ERCC1: variants seen among roughly 807,000 people sequenced by gnomAD.
The protein encoded by ERCC1 is DNA excision repair protein ERCC-1.
A neutral mutation model predicts 37.6 loss-of-function variants in ERCC1; 36 were observed. That is an observed-to-expected ratio of 0.96 (90% CI 0.73 to 1.26). The LOEUF (loss-of-function observed/expected upper bound fraction) is 1.26, where lower values mean the gene tolerates loss of function less well. Among genes scored for constraint, ERCC1 ranks in the 50% most tolerant of loss-of-function variants. ERCC1 has a pLI of 0.00. For missense variants in ERCC1, 349 were observed against 376.5 expected, an observed-to-expected ratio of 0.93 and a Z score of 0.60; for synonymous variants, 156 against 162.1, an observed-to-expected ratio of 0.96 and a Z score of 0.28.
At chr19:45,450,824 G>T (rs1190170934) in intron 1 of ERCC1, 1 of 144,074 alleles carries the variant, frequency 6.9e-6, no homozygotes, top group Non-Finnish European at 1.5e-5. Flanking sequence ...GCGTTGCCCG[G>T]CAGCGCCGCG....
rs775531410 is a variant in ERCC1, at chr19:45,413,944, C to T, written c.774+19G>A. 2 of 1,610,946 alleles carry T rather than the reference C, an allele frequency of 1.2e-6. No individual in the cohort carries two copies. Among genetic ancestry groups the T allele is most frequent in the Non-Finnish European group, 1.7e-6 (2 of 1,177,594 alleles). On this transcript the variant is annotated intron_variant, in intron 8 of 9. Transcript: ENST00000300853. ...CAAGGGGACAGAAATGCCTATGGGGCAGGGGAGCCATTCCTTACTCCAAAT... is the reference window on the plus strand; with the variant it reads ...CAAGGGGACAGAAATGCCTATGGGGTAGGGGAGCCATTCCTTACTCCAAAT...
Position 45,420,859 on chromosome 19 carries a change from G to C in ERCC1, c.321+319C>G, listed in dbSNP as rs1974374861. ...ACTGGTCTCGAACTCCTGACCTCAG[G>C]TGATCCACCTGCCTCAGCCTCTCCA... On this transcript the variant is annotated intron_variant, in intron 3 of 9. Coordinates refer to ENST00000300853, the MANE Select transcript of ERCC1 (RefSeq NM_001983.4). This position sits in a 1 kb window ranked among gnomAD's most constrained non-coding sequence, Gnocchi z 4.8. Among the ~76,000 whole-genome samples, 2 of 152,052 alleles carry C rather than the reference G, an allele frequency of 1.3e-5. No individual in the cohort carries two copies. The highest frequency in any genetic ancestry group is 2.9e-5 in the Non-Finnish European group (2 of 68,008).
intron 1 of ERCC1, among the ~76,000 whole-genome samples, chr19:45,439,203 A>C (rs1038559456): frequency 2.6e-5 from 4 of 151,960 alleles, no homozygotes; most frequent in African/African-American, 7.2e-5. Context: ...AAAAACAAAC[A>C]AACAAAAAAA....
At chr19:45,450,461 T>TG (rs1221296522) in intron 1 of ERCC1, among the ~76,000 whole-genome samples, 1 of 152,126 alleles carries the variant, frequency 6.6e-6, no homozygotes, top group Non-Finnish European at 1.5e-5. Context: ...AAAATGCTCC[T>TG]GCTCCTTTAA....
In ERCC1 at chr19:45,407,546, G is replaced by A. The variant is rs1461991103; in HGVS notation, c.*2129C>T. 2 of 335,884 alleles carry A rather than the reference G, an allele frequency of 6.0e-6. No individual in the cohort carries two copies. The highest frequency in any genetic ancestry group is 1.1e-4 in the East Asian group (2 of 18,666). The allele number at this position is 335,884 out of a possible 1,614,324, so 20.8% of individuals were successfully genotyped here. ...ACCATTAATCCTGCAACCTAAGCTTGCTCATTTATGTTATATTTAAGTAAT... is the reference window on the plus strand; with the variant it reads ...ACCATTAATCCTGCAACCTAAGCTTACTCATTTATGTTATATTTAAGTAAT... On this transcript the variant is annotated 3_prime_UTR_variant, in exon 10 of 10. Transcript: ENST00000300853.
In ERCC1 at chr19:45,420,376, C is replaced by CAGG; in HGVS notation, c.372_373insCCT (p.Gly124_Asp125insPro). ...CCCAGCACATAGTCGGGAATTACGT[C>CAGG]GCCAAATTCCCAGGGCACATTGCGC... On this transcript the variant is annotated inframe_insertion, in exon 4 of 10. Transcript: ENST00000300853. This position sits in a 1 kb window ranked among gnomAD's most constrained non-coding sequence, Gnocchi z 4.8. 1 of 1,613,916 alleles carries CAGG rather than the reference C, an allele frequency of 6.2e-7. No individual in the cohort carries two copies. The highest frequency in any genetic ancestry group is 8.5e-7 in the Non-Finnish European group (1 of 1,179,906).
chr19:45,410,590 TG>T (rs1203962178), intron 9 of ERCC1: 2 of 151,776 alleles, frequency 1.3e-5, no homozygotes, highest in Non-Finnish European at 2.9e-5. Flanking sequence ...TGTGTGTGTG[TG>T]TGTGTGGTAC....
chr19:45,424,978 A>G (rs1177091990), upstream of ERCC1, among the ~76,000 whole-genome samples: 4 of 143,140 alleles, frequency 2.8e-5, no homozygotes, highest in Non-Finnish European at 4.5e-5. Flanking sequence ...GCTGGAGTGC[A>G]ATGGCGCGAT....
At chr19:45,413,156 A>G (rs969221319) in intron 9 of ERCC1, among the ~76,000 whole-genome samples, 18 of 152,294 alleles carry the variant, frequency 1.2e-4, no homozygotes, top group Non-Finnish European at 2.5e-4. Flanking sequence ...GAGCTTCTCA[A>G]TGTTTTCTTG....
At chr19:45,423,530 A>G (rs1974571827) in intron 1 of ERCC1, 149 bp from the exon 2 acceptor site, 1 of 1,456,012 alleles carries the variant, frequency 6.9e-7, no homozygotes, top group Admixed American at 2.4e-5. Flanking sequence ...AGGCTCTGTA[A>G]CGCCACGCCC....
chr19:45,428,934 C>G (rs891173375), intron 1 of ERCC1: 2 of 152,190 alleles, frequency 1.3e-5, no homozygotes, highest in South Asian at 4.1e-4. Context: ...GCGGAGCGGC[C>G]GGGATGACGC....
chr19:45,408,934 C>A lies in ERCC1; in HGVS notation c.*741G>T. The A allele has an allele frequency of 2.5e-6, 4 of 1,614,028 alleles. No homozygotes were observed. The highest frequency in any genetic ancestry group is 3.4e-6 in the Non-Finnish European group (4 of 1,180,002). ...AGGTGGAGCCACTGGAGGAAGCCATCCCTCTGCCCCCTACGAAGAAGAGGA... is the reference window on the plus strand; with the variant it reads ...AGGTGGAGCCACTGGAGGAAGCCATACCTCTGCCCCCTACGAAGAAGAGGA... On this transcript the variant is annotated 3_prime_UTR_variant, in exon 10 of 10. Coordinates refer to ENST00000300853, the MANE Select transcript of ERCC1 (RefSeq NM_001983.4).
In ERCC1 at chr19:45,423,550, C is replaced by T. The variant is rs1221723037; in HGVS notation, c.-7-169G>A. 8 of 1,437,774 alleles carry T rather than the reference C, an allele frequency of 5.6e-6. No individual in the cohort carries two copies. In the Admixed American group the frequency reaches 2.1e-4, roughly 38 times the overall value. 89.1% of individuals were successfully genotyped at this position (1,437,774 alleles called of 1,614,324 possible). On this transcript the variant is annotated intron_variant, in intron 1 of 9. Coordinates refer to ENST00000300853, the MANE Select transcript of ERCC1 (RefSeq NM_001983.4). ...CTGTAACGCCACGCCCCTTTGACCT[C>T]CACCTTCGGCTCGCCCCGCCCCTTA...
chr19:45,423,785 G>A lies in ERCC1; in HGVS notation c.-12C>T. ...CGCAGTCTCCGCCTCCCGCACCTGTGGTCCGGGCCTCACGGTTTCAGCGCC... is the reference window on the plus strand; with the variant it reads ...CGCAGTCTCCGCCTCCCGCACCTGTAGTCCGGGCCTCACGGTTTCAGCGCC... On this transcript the variant is annotated 5_prime_UTR_variant, in exon 1 of 10. Coordinates refer to ENST00000300853, the MANE Select transcript of ERCC1 (RefSeq NM_001983.4). 3 of 1,132,592 alleles carry A rather than the reference G, an allele frequency of 2.6e-6. No individual in the cohort carries two copies. The highest frequency in any genetic ancestry group is 4.4e-5 in the East Asian group (1 of 22,972). The allele number at this position is 1,132,592 out of a possible 1,614,324, so 70.2% of individuals were successfully genotyped here.
At chr19:45,448,304 G>C (rs966393830) in intron 1 of ERCC1, among the ~76,000 whole-genome samples, 4 of 152,184 alleles carry the variant, frequency 2.6e-5, no homozygotes, top group Non-Finnish European at 4.4e-5. Context: ...AGACAGAGAA[G>C]AGTCAAGGCC....
intron 1 of ERCC1, among the ~76,000 whole-genome samples, chr19:45,447,807 G>A (rs956669193): frequency 1.3e-5 from 2 of 152,040 alleles, no homozygotes; most frequent in Non-Finnish European, 2.9e-5. Context: ...GGCAATTCTG[G>A]CTGGTTGCTC....
rs544748650 is a variant in ERCC1, at chr19:45,407,439, T to C, written c.*2236A>G. ...AGCCCTTTGTTAGTATTTCTACTTA[T>C]AAGAAACTATAAGGAACTATAGTTA... On this transcript the variant is annotated 3_prime_UTR_variant, in exon 10 of 10. Coordinates refer to ENST00000300853, the MANE Select transcript of ERCC1 (RefSeq NM_001983.4). 1.8e-6 allele frequency: 1 copy of C among 548,858 alleles called. No homozygotes were observed. Among genetic ancestry groups the C allele is most frequent in the Non-Finnish European group, 3.1e-6 (1 of 318,536 alleles). 34.0% of individuals were successfully genotyped at this position (548,858 alleles called of 1,614,324 possible).
rs761067606 is a variant in ERCC1 at position 45,409,408 on chromosome 19, G to A, written c.*267C>T. The A allele has an allele frequency of 3.1e-6, 5 of 1,613,876 alleles. No homozygotes were observed. The highest frequency in any genetic ancestry group is 4.2e-6 in the Non-Finnish European group (5 of 1,180,000). The stretch of plus-strand genomic sequence containing the variant: ...TGCCAGAGACAGTGCCCCAAGAGGA[G>A]ATGCCAGGGCCGCCACTGAATTCAG... On this transcript the variant is annotated 3_prime_UTR_variant, in exon 10 of 10. Coordinates refer to ENST00000300853, the MANE Select transcript of ERCC1 (RefSeq NM_001983.4).
Position 45,417,536 on chromosome 19 carries a change from T to TTC in ERCC1, c.526-641_526-640dup, listed in dbSNP as rs577342077. On this transcript the variant is annotated intron_variant, in intron 5 of 9. Transcript: ENST00000300853. ...GGAAAGAGGGCTTGAGGAATTATAA[T>TTC]TCGCTCCCTACGGGAGAGAGGATGT... Among the ~76,000 whole-genome samples the TTC allele has an allele frequency of 2.3e-3, 355 of 151,958 alleles. 1 individual carries two copies. The highest frequency in any genetic ancestry group is 8.1e-3 in the African/African-American group (337 of 41,446).
Sources: allele counts gnomAD v4.1 joint callset (sites outside exome capture counted in the v4.1 genomes callset), GRCh38; gene constraint gnomAD v4.1.1; non-coding constraint Gnocchi (gnomAD v3.1); transcripts MANE v1.5; gene names NCBI Gene and HGNC (gene_info 2026-07-23, HGNC 2026-07-21).